The following GRAMD1C variants were observed in gnomAD, a reference collection of about 807,000 sequenced individuals.
GRAMD1C encodes the protein GRAM domain containing 1C, also known as protein Aster-C.
Under a neutral mutation model 97.8 loss-of-function variants are expected in GRAMD1C, and 89 were observed. That is an observed-to-expected ratio of 0.91 (90% CI 0.77 to 1.09). GRAMD1C has a LOEUF of 1.09. Among genes scored for constraint, GRAMD1C ranks in the 50% least tolerant of loss-of-function variants. GRAMD1C has a pLI of 0.00. For missense variants in GRAMD1C, 740 were observed against 766.4 expected (o/e 0.97, Z 0.41); for synonymous variants, 256 against 267.0 (o/e 0.96, Z 0.40).
At chr3:113,890,647 C>A in intron 6 of GRAMD1C, 2 of 651,830 alleles carry the variant, frequency 3.1e-6, no homozygotes, top group South Asian at 3.5e-5. Flanking sequence ...GCTCAGAATC[C>A]GTGAGGTGCA....
At chr3:113,829,798 T>C (rs1382358213) in intron 1 of GRAMD1C, among the ~76,000 whole-genome samples, 1 of 152,174 alleles carries the variant, frequency 6.6e-6, no homozygotes, top group Non-Finnish European at 1.5e-5. Flanking sequence ...ATTTTGCTGT[T>C]GTGCCAACAT....
At chr3:113,850,439 G>T in intron 2 of GRAMD1C, 1 of 1,270,330 alleles carries the variant, frequency 7.9e-7, no homozygotes, top group East Asian at 2.3e-5. Flanking sequence ...GCCAGTCTCT[G>T]GATGGCTGCA....
At chr3:113,852,624 G>GA (rs1229852720) in intron 2 of GRAMD1C, among the ~76,000 whole-genome samples, 41 of 151,892 alleles carry the variant, frequency 2.7e-4, no homozygotes, top group African/African-American at 9.9e-4. Context: ...TAAAAAAAAA[G>GA]AAAAAAGAGG....
chr3:113,838,779 G>A, upstream of GRAMD1C: 1 of 533,594 alleles, frequency 1.9e-6, no homozygotes, highest in Non-Finnish European at 2.8e-6. Flanking sequence ...AGGAGCTGCG[G>A]CTGGAAGTAC....
intron 6 of GRAMD1C, among the ~76,000 whole-genome samples, chr3:113,893,077 C>G (rs1935799836): frequency 6.6e-6 from 1 of 152,128 alleles, no homozygotes; most frequent in African/African-American, 2.4e-5. Flanking sequence ...ATTTCTATGG[C>G]TGCCTTTCAC....
Position 113,908,932 on chromosome 3 carries a change from T to A in GRAMD1C, c.790-26T>A. 4.1e-6 allele frequency: 6 copies of A among 1,461,920 alleles called. No homozygotes were observed. The African/African-American group carries it at 4.4e-5, about 11-fold the overall frequency. 90.6% of individuals were successfully genotyped at this position (1,461,920 alleles called of 1,614,324 possible). Reference sequence around the variant, plus strand: ...ATCTAAGCTAAACCTGTGTTTTATTTTGAAACTGGATTGTTTACCTTTTAG... The same window carrying A: ...ATCTAAGCTAAACCTGTGTTTTATTATGAAACTGGATTGTTTACCTTTTAG... On this transcript the variant is annotated intron_variant, in intron 8 of 17. Transcript: ENST00000358160.
At chr3:113,883,219 C>G (rs184915992) in intron 6 of GRAMD1C, among the ~76,000 whole-genome samples, 3 of 152,054 alleles carry the variant, frequency 2.0e-5, no homozygotes, top group Non-Finnish European at 4.4e-5. Flanking sequence ...CAGAGATAGG[C>G]AGAATGAAAA....
At chr3:113,891,817 G>A (rs1240026305) in intron 6 of GRAMD1C, among the ~76,000 whole-genome samples, 1 of 151,998 alleles carries the variant, frequency 6.6e-6, no homozygotes, top group Non-Finnish European at 1.5e-5. Context: ...AGCCCAGGAG[G>A]CTGAGGCTGC....
At chr3:113,885,604 C>T in intron 6 of GRAMD1C, 1 of 1,529,118 alleles carries the variant, frequency 6.5e-7, no homozygotes, top group Non-Finnish European at 9.1e-7. Flanking sequence ...GACAAACATT[C>T]TGTCCGGTTT....
chr3:113,945,526 T>TA lies in GRAMD1C; in HGVS notation c.*49dup. 1.0e-6 allele frequency: 1 copy of TA among 971,718 alleles called. No homozygotes were observed. Among genetic ancestry groups the TA allele is most frequent in the Non-Finnish European group, 1.6e-6 (1 of 613,764 alleles). 60.2% of individuals were successfully genotyped at this position (971,718 alleles called of 1,614,324 possible). A position where few individuals can be genotyped will look rare whatever the true frequency, so the allele number is the denominator to read the frequency against. On this transcript the variant is annotated 3_prime_UTR_variant, in exon 18 of 18. Transcript: ENST00000358160. Reference sequence around the variant, plus strand: ...AGAGATACTTGGAACTTAAAGAAAATACCTGGAAGAAAACCAGACGAATGA... The same window carrying TA: ...AGAGATACTTGGAACTTAAAGAAAATAACCTGGAAGAAAACCAGACGAATGA...
chr3:113,880,487 T>A lies in GRAMD1C; in HGVS notation c.460-2265T>A, dbSNP rs544792777. Among the ~76,000 whole-genome samples the A allele has an allele frequency of 1.9e-4, 29 of 152,300 alleles. No individual in the cohort carries two copies. In the South Asian group the frequency reaches 5.6e-3, roughly 29 times the overall value. ...CGTGTAGATAGACCCACCTCTTTTTTAAAAAATGCTGTATGGTATTTCATA... is the reference window on the plus strand; with the variant it reads ...CGTGTAGATAGACCCACCTCTTTTTAAAAAAATGCTGTATGGTATTTCATA... On this transcript the variant is annotated intron_variant, in intron 5 of 17. Coordinates refer to ENST00000358160, the MANE Select transcript of GRAMD1C (RefSeq NM_017577.5).
At chr3:113,841,722 G>C (rs1456771037) in intron 1 of GRAMD1C, among the ~76,000 whole-genome samples, 1 of 152,142 alleles carries the variant, frequency 6.6e-6, no homozygotes, top group Non-Finnish European at 1.5e-5. Context: ...TTTTGAGACA[G>C]AGTCTTGCTC....
At chr3:113,845,654 A>G (rs1195382124) in intron 2 of GRAMD1C, among the ~76,000 whole-genome samples, 2 of 152,142 alleles carry the variant, frequency 1.3e-5, no homozygotes, top group Non-Finnish European at 2.9e-5. Context: ...GCATTGAGCC[A>G]TGATCGTGCC....
intron 9 of GRAMD1C, among the ~76,000 whole-genome samples, chr3:113,911,173 G>GACACACACACACATACACACAC (rs1553723510): frequency 6.8e-6 from 1 of 147,536 alleles, no homozygotes; most frequent in Admixed American, 6.8e-5. Context: ...CAGAGAGAGA[G>GACACACACACACATACACACAC]ACACACACAC....
At chr3:113,855,426 G>A (rs1934082042) in intron 2 of GRAMD1C, among the ~76,000 whole-genome samples, 2 of 152,090 alleles carry the variant, frequency 1.3e-5, no homozygotes, top group South Asian at 2.1e-4. Context: ...GATTTTGGCC[G>A]GCCACAGTGG....
At chr3:113,828,922 C>A (rs757597499) in intron 1 of GRAMD1C, among the ~76,000 whole-genome samples, 22 of 152,164 alleles carry the variant, frequency 1.4e-4, no homozygotes, top group African/African-American at 5.3e-4. Flanking sequence ...ATCTTTCCAA[C>A]TCATCACTTC....
chr3:113,846,263 C>T (rs928827762), intron 2 of GRAMD1C, among the ~76,000 whole-genome samples: 2 of 152,094 alleles, frequency 1.3e-5, no homozygotes, highest in African/African-American at 4.8e-5. Context: ...CCTGTCACCA[C>T]ACCCAGCTAA....
Position 113,876,271 on chromosome 3 carries a change from T to C in GRAMD1C, c.459+11T>C. The C allele has an allele frequency of 7.1e-7, 1 of 1,418,122 alleles. No homozygotes were observed. The highest frequency in any genetic ancestry group is 9.9e-7 in the Non-Finnish European group (1 of 1,005,482). The allele number at this position is 1,418,122 out of a possible 1,614,324, so 87.8% of individuals were successfully genotyped here. A position where few individuals can be genotyped will look rare whatever the true frequency, so the allele number is the denominator to read the frequency against. ...ACAGAAAGTGAAAAGGTGAAAACTT[T>C]CCTATCTTTGTTATATTACATAATG... On this transcript the variant is annotated intron_variant, in intron 5 of 17. Transcript: ENST00000358160.
rs1409875571 is a variant in GRAMD1C at position 113,938,117 on chromosome 3, C to T, written c.1665C>T (p.Val555=). The T allele has an allele frequency of 3.3e-6, 5 of 1,534,704 alleles. No homozygotes were observed. Among genetic ancestry groups the T allele is most frequent in the Admixed American group, 1.9e-5 (1 of 53,324 alleles). Reference sequence around the variant, plus strand: ...AAAAGGAAATGGAAAACTATAACGTCACTCTTATTGTGGTAATGAGTATTT... The same window carrying T: ...AAAAGGAAATGGAAAACTATAACGTTACTCTTATTGTGGTAATGAGTATTT... ...GKKKEMENYN[V]TLIVVMSIFV... is the part of the protein sequence containing the mutation. The change falls in exon 15 of 18, where the codon GTC becomes GTT. Residue 555 remains valine, a synonymous_variant. Transcript: ENST00000358160.
Sources: allele counts gnomAD v4.1 joint callset (sites outside exome capture counted in the v4.1 genomes callset), GRCh38; gene constraint gnomAD v4.1.1; transcripts MANE v1.5; gene names NCBI Gene and HGNC (gene_info 2026-07-23, HGNC 2026-07-21).